SND1: variants seen among roughly 807,000 people sequenced by gnomAD.
The protein encoded by SND1 is staphylococcal nuclease domain-containing protein 1.
A neutral mutation model predicts 121.7 loss-of-function variants in SND1; 38 were observed. That is an observed-to-expected ratio of 0.31 (90% CI 0.24 to 0.41). SND1 has a LOEUF of 0.41. Among genes scored for constraint, SND1 ranks in the 10% least tolerant of loss-of-function variants. The pLI, the probability that SND1 is intolerant of heterozygous loss-of-function variation, is 1.00. For missense variants in SND1, 868 were observed against 1,184.6 expected (o/e 0.73, Z 3.92); for synonymous variants, 401 against 447.4 (o/e 0.90, Z 1.31).
intron 16 of SND1, chr7:128,007,987 C>A (rs911986597): frequency 6.6e-6 from 1 of 152,186 alleles, no homozygotes; most frequent in Non-Finnish European, 1.5e-5. Flanking sequence ...CATGGTAGAG[C>A]CAGTCTCCAC....
At chr7:127,796,894 T>TC (rs1414166308) in intron 10 of SND1, among the ~76,000 whole-genome samples, 2 of 147,676 alleles carry the variant, frequency 1.4e-5, no homozygotes, top group African/African-American at 5.0e-5. Flanking sequence ...CTGAGTCTTT[T>TC]TTTTTTTTTT....
chr7:128,074,744 C>T (rs1292895035), intron 17 of SND1, 54 bp downstream of exon 17: 1 of 1,482,902 alleles, frequency 6.7e-7, no homozygotes, highest in African/African-American at 1.4e-5. Flanking sequence ...TCCTCACACA[C>T]TAATGCTGCT....
chr7:128,029,505 A>G lies in SND1; in HGVS notation c.1779+38449A>G, dbSNP rs748992263. 7 of 1,614,116 alleles carry G rather than the reference A, an allele frequency of 4.3e-6. No individual in the cohort carries two copies. The Admixed American group carries it at 1.2e-4, about 27-fold the overall frequency. On this transcript the variant is annotated intron_variant, in intron 16 of 23. Transcript: ENST00000354725. The surrounding 1 kb of genome is among the most constrained non-coding windows in gnomAD (Gnocchi z 4.2). ...GGGCAGCAACCACTTCACGGAGGAC[A>G]TAGGGGGAGTCCGACACTTAAGTTC...
chr7:127,793,612 G>C (rs1306956544), intron 10 of SND1, among the ~76,000 whole-genome samples: 1 of 152,086 alleles, frequency 6.6e-6, no homozygotes. Flanking sequence ...TGTTAAACAG[G>C]CACCATTTCA....
At chr7:127,945,002 T>A (rs1801297090) in intron 15 of SND1, among the ~76,000 whole-genome samples, 1 of 152,142 alleles carries the variant, frequency 6.6e-6, no homozygotes, top group Non-Finnish European at 1.5e-5. Context: ...TACATCCCCC[T>A]CTATCACTCC....
chr7:128,074,483 G>A lies in SND1; in HGVS notation c.1780-19G>A, dbSNP rs770894753. The A allele has an allele frequency of 6.2e-6, 10 of 1,601,470 alleles. No individual in the cohort carries two copies. Among genetic ancestry groups the A allele is most frequent in the Admixed American group, 5.0e-5 (3 of 59,524 alleles). ...TCAGGCCTGGCCCCCACAGGCTTACGCCTGTCTCTCTGTCCCAGGTGGAGG... is the reference window on the plus strand; with the variant it reads ...TCAGGCCTGGCCCCCACAGGCTTACACCTGTCTCTCTGTCCCAGGTGGAGG... On this transcript the variant is annotated intron_variant, in intron 16 of 23. Coordinates refer to ENST00000354725, the MANE Select transcript of SND1 (RefSeq NM_014390.4).
chr7:127,790,518 T>C (rs1797888446), intron 10 of SND1, among the ~76,000 whole-genome samples: 1 of 152,236 alleles, frequency 6.6e-6, no homozygotes, highest in Non-Finnish European at 1.5e-5. Flanking sequence ...CTGCCATTTT[T>C]AGTGGTGTGG....
intron 11 of SND1, among the ~76,000 whole-genome samples, chr7:127,831,643 C>A (rs1798741978): frequency 6.6e-6 from 1 of 152,196 alleles, no homozygotes. Context: ...CATTACTGAG[C>A]AGTGACCGTG....
At chr7:127,791,143 T>A (rs1448543161) in intron 10 of SND1, among the ~76,000 whole-genome samples, 2 of 70,282 alleles carry the variant, frequency 2.8e-5, no homozygotes, top group African/African-American at 7.8e-5. Flanking sequence ...TACCTCTCCT[T>A]TTTTTTTTTT....
chr7:127,824,681 A>G (rs751369496), intron 11 of SND1, among the ~76,000 whole-genome samples: 1 of 152,288 alleles, frequency 6.6e-6, no homozygotes, highest in Non-Finnish European at 1.5e-5. Context: ...GTTTGCACAT[A>G]TATGAGACTC....
At chr7:127,702,666 A>C in intron 6 of SND1, 140 bp downstream of exon 6, 1 of 683,408 alleles carries the variant, frequency 1.5e-6, no homozygotes, top group Non-Finnish European at 2.6e-6. Context: ...GTTTTAGTTT[A>C]AACTTTGTAG....
At chr7:127,987,534 A>G (rs1053633822) in intron 15 of SND1, among the ~76,000 whole-genome samples, 1 of 152,164 alleles carries the variant, frequency 6.6e-6, no homozygotes, top group African/African-American at 2.4e-5. Flanking sequence ...CTACCAGTGG[A>G]CAGCATATTT....
In SND1 at chr7:128,052,418, C is replaced by T. The variant is rs1169586710; in HGVS notation, c.1780-22084C>T. Reference sequence around the variant, plus strand: ...ACTCCACTTCATTGCCACAGCTTGTCTTCCCGCCCAGGAAAGGGTATTTGG... The same window carrying T: ...ACTCCACTTCATTGCCACAGCTTGTTTTCCCGCCCAGGAAAGGGTATTTGG... On this transcript the variant is annotated intron_variant, in intron 16 of 23. Coordinates refer to ENST00000354725, the MANE Select transcript of SND1 (RefSeq NM_014390.4). This position sits in a 1 kb window ranked among gnomAD's most constrained non-coding sequence, Gnocchi z 4.6. 1.3e-5 allele frequency among the ~76,000 whole-genome samples: 2 copies of T among 152,346 alleles called. No individual in the cohort carries two copies. Among genetic ancestry groups the T allele is most frequent in the African/African-American group, 2.4e-5 (1 of 41,592 alleles).
intron 1 of SND1, among the ~76,000 whole-genome samples, chr7:127,664,629 C>G (rs1435624104): frequency 6.6e-6 from 1 of 152,152 alleles, no homozygotes; most frequent in Non-Finnish European, 1.5e-5. Context: ...GTGAGCTATT[C>G]TAGCAAATTA....
At chr7:127,727,693 G>A (rs1296612821) in intron 10 of SND1, among the ~76,000 whole-genome samples, 1 of 152,166 alleles carries the variant, frequency 6.6e-6, no homozygotes, top group Non-Finnish European at 1.5e-5. Context: ...GTCTCCAATG[G>A]AGAGATTTTG....
Position 128,029,154 on chromosome 7 carries a change from T to C in SND1, c.1779+38098T>C, listed in dbSNP as rs368886768. ...CACCTGCTTGGGCACACGGGTAGTCTGAATGAGCACCGTGGTAGAGGTGGT... is the reference window on the plus strand; with the variant it reads ...CACCTGCTTGGGCACACGGGTAGTCCGAATGAGCACCGTGGTAGAGGTGGT... On this transcript the variant is annotated intron_variant, in intron 16 of 23. Coordinates refer to ENST00000354725, the MANE Select transcript of SND1 (RefSeq NM_014390.4). This position sits in a 1 kb window ranked among gnomAD's most constrained non-coding sequence, Gnocchi z 4.2. 128 of 1,613,968 alleles carry C rather than the reference T, an allele frequency of 7.9e-5. No individual in the cohort carries two copies. Among genetic ancestry groups the C allele is most frequent in the Non-Finnish European group, 1.0e-4 (123 of 1,180,030 alleles).
chr7:127,974,832 T>C (rs1343061838), intron 15 of SND1, among the ~76,000 whole-genome samples: 1 of 152,218 alleles, frequency 6.6e-6, no homozygotes, highest in East Asian at 1.9e-4. Flanking sequence ...CTGTCCTCTT[T>C]GCCATTCAGG....
intron 9 of SND1, among the ~76,000 whole-genome samples, chr7:127,714,144 C>T (rs987838879): frequency 6.6e-6 from 1 of 152,126 alleles, no homozygotes; most frequent in Non-Finnish European, 1.5e-5. Flanking sequence ...ACCACCCTAC[C>T]TGGTTAGAGG....
Position 127,942,746 on chromosome 7 carries a change from T to C in SND1, c.1669+13417T>C, listed in dbSNP as rs190746035. Among the ~76,000 whole-genome samples, 8 of 152,330 alleles carry C rather than the reference T, an allele frequency of 5.3e-5. No individual in the cohort carries two copies. In the East Asian group the frequency reaches 1.5e-3, roughly 29 times the overall value. On this transcript the variant is annotated intron_variant, in intron 15 of 23. Transcript: ENST00000354725. ...AGGCAAGCACAAATTCTGCAGTTGATAGAAACTATTTTTATTTCCCCACTT... is the reference window on the plus strand; with the variant it reads ...AGGCAAGCACAAATTCTGCAGTTGACAGAAACTATTTTTATTTCCCCACTT...
Sources: gnomAD v4.1 joint callset for allele counts (sites outside exome capture counted in the v4.1 genomes callset) on GRCh38, gnomAD v4.1.1 for gene constraint, Gnocchi (gnomAD v3.1) non-coding constraint, MANE v1.5 for transcripts, NCBI Gene and HGNC (gene_info 2026-07-23, HGNC 2026-07-21) for gene names.